CDH26: variants seen among roughly 807,000 people sequenced by gnomAD.
The protein encoded by CDH26 is cadherin-like protein 26.
CDH26 carries 83 observed loss-of-function variants against 90.3 expected under a neutral mutation model. That is an observed-to-expected ratio of 0.92 (90% CI 0.77 to 1.10). CDH26 has a LOEUF of 1.10. Ranked by LOEUF, CDH26 falls within the 50% of genes least tolerant of loss-of-function variation. The pLI is 0.00. For synonymous variants in CDH26, 397 were observed against 396.3 expected, an observed-to-expected ratio of 1.00 and a Z score of -0.02; for missense variants, 1,013 against 1,037.6, an observed-to-expected ratio of 0.98 and a Z score of 0.33.
chr20:59,967,864 TC>T (rs2061178405), intron 1 of CDH26, among the ~76,000 whole-genome samples: 7 of 114,852 alleles, frequency 6.1e-5, no homozygotes, highest in African/African-American at 3.5e-4. Flanking sequence ...TTTCTTTCTT[TC>T]TTTCTTTCTT....
chr20:59,959,319 C>T (rs557283150), intron 1 of CDH26, among the ~76,000 whole-genome samples: 9 of 152,154 alleles, frequency 5.9e-5, no homozygotes, highest in South Asian at 2.1e-4. Context: ...AGGCTGGTCT[C>T]GAACTCCTAA....
chr20:59,992,316 T>C lies in CDH26; in HGVS notation c.1284-62T>C. On this transcript the variant is annotated intron_variant, in intron 9 of 17. Transcript: ENST00000348616. This position sits in a 1 kb window ranked among gnomAD's most constrained non-coding sequence, Gnocchi z 5.0. ...GACATATTTTGTTTTTTTATGCAACTTTTTTATCTTTTAATGTAAGTTTTT... is the reference window on the plus strand; with the variant it reads ...GACATATTTTGTTTTTTTATGCAACCTTTTTATCTTTTAATGTAAGTTTTT... The C allele has an allele frequency of 2.0e-6, 3 of 1,530,278 alleles. No individual in the cohort carries two copies. Among genetic ancestry groups the C allele is most frequent in the Non-Finnish European group, 2.6e-6 (3 of 1,134,774 alleles). 94.8% of individuals were successfully genotyped at this position (1,530,278 alleles called of 1,614,324 possible).
intron 15 of CDH26, chr20:60,001,726 T>G (rs534046538): frequency 1.5e-6 from 1 of 685,312 alleles, no homozygotes; most frequent in South Asian, 6.6e-5. Flanking sequence ...TCTATAAAGT[T>G]AAAAGCACAG....
At chr20:60,022,155 A>G (rs1036824707) in intron 7 of CDH26, among the ~76,000 whole-genome samples, 3 of 152,094 alleles carry the variant, frequency 2.0e-5, no homozygotes, top group Non-Finnish European at 4.4e-5. Flanking sequence ...GCTTAAAGAA[A>G]GCATCCATTA....
At position 60,012,563 on chromosome 20, in the gene CDH26, G is replaced by A. The variant is rs200967688; in HGVS notation, c.2332G>A (p.Gly778Ser). The A allele has an allele frequency of 4.9e-5, 79 of 1,613,966 alleles. No homozygotes were observed. Among genetic ancestry groups the A allele is most frequent in the East Asian group, 3.8e-4 (17 of 44,858 alleles). The change falls in exon 18 of 18, where the codon GGC becomes AGC. Residue 778 changes from glycine to serine, a missense_variant. By Grantham distance (56) the Gly-to-Ser change is moderately conservative. Transcript: ENST00000348616. The part of the protein sequence containing the change: ...HVANVLEDDP[G>S]YLPHVYSEEG... ...TGCCAATGTGCTGGAAGATGACCCC[G>A]GCTACCTACCTCACGTCTACAGCGA...
At chr20:59,974,616 A>G (rs1024722421) in intron 4 of CDH26, among the ~76,000 whole-genome samples, 9 of 152,154 alleles carry the variant, frequency 5.9e-5, no homozygotes, top group Admixed American at 5.9e-4. Context: ...TCAGGGCCCT[A>G]TGCTTGGAGC....
At chr20:60,015,850 A>AT (rs2061901009), downstream of CDH26, among the ~76,000 whole-genome samples, 1 of 152,126 alleles carries the variant, frequency 6.6e-6, no homozygotes, top group East Asian at 1.9e-4. Flanking sequence ...ATAGATACCT[A>AT]CTTTCCCCAG....
chr20:60,033,869 G>T lies in CDH26; in HGVS notation c.*193G>T, dbSNP rs77010616. On this transcript the variant is annotated 3_prime_UTR_variant, in exon 9 of 9. Coordinates refer to the CDH26 transcript ENST00000370991. ...AATAACTTTTCCTCTGCAAACTGTG[G>T]ATGGCAGTTCACCATGTTTCTCACC... 7.7e-3 allele frequency: 5,874 copies of T among 766,178 alleles called. 279 individuals are homozygous for T. The African/African-American group carries it at 0.099, about 13-fold the overall frequency. The allele number at this position is 766,178 out of a possible 1,614,324, so 47.5% of individuals were successfully genotyped here.
intron 16 of CDH26, among the ~76,000 whole-genome samples, chr20:60,004,471 A>G (rs1256154018): frequency 6.6e-6 from 1 of 152,154 alleles, no homozygotes. Flanking sequence ...GTGTTTGTGT[A>G]TCTACCTACA....
Position 59,999,492 on chromosome 20 carries a change from T to C in CDH26, c.2020-94T>C. ...CTTCTGTGATGGCATAGATACAATG[T>C]GTTTTGGAGAAAATGTCATTCCTTT... On this transcript the variant is annotated intron_variant, in intron 13 of 17. Coordinates refer to ENST00000348616, the MANE Select transcript of CDH26 (RefSeq NM_177980.4). 4 of 1,023,406 alleles carry C rather than the reference T, an allele frequency of 3.9e-6. No individual in the cohort carries two copies. The South Asian group carries it at 5.5e-5, about 14-fold the overall frequency. The allele number at this position is 1,023,406 out of a possible 1,614,324, so 63.4% of individuals were successfully genotyped here.
At chr20:60,025,127 G>A (rs767727766) in intron 7 of CDH26, among the ~76,000 whole-genome samples, 12 of 152,212 alleles carry the variant, frequency 7.9e-5, no homozygotes, top group Non-Finnish European at 1.5e-4. Flanking sequence ...TTACAAAAGA[G>A]AAATAAATGT....
intron 1 of CDH26, among the ~76,000 whole-genome samples, chr20:59,961,245 G>A (rs925152709): frequency 7.9e-5 from 12 of 152,190 alleles, no homozygotes; most frequent in Admixed American, 7.2e-4. Context: ...TCTTCCCTCT[G>A]GCGTATTAGT....
At chr20:60,009,171 T>G (rs2061795037) in intron 17 of CDH26, among the ~76,000 whole-genome samples, 1 of 152,168 alleles carries the variant, frequency 6.6e-6, no homozygotes, top group Non-Finnish European at 1.5e-5. Context: ...TCAGACAAGT[T>G]GCTCCAATGG....
chr20:60,006,723 A>T lies in CDH26; in HGVS notation c.2231A>T (p.Asp744Val), dbSNP rs1158766466. 4 of 1,613,980 alleles carry T rather than the reference A, an allele frequency of 2.5e-6. No homozygotes were observed. Among genetic ancestry groups the T allele is most frequent in the Non-Finnish European group, 3.4e-6 (4 of 1,179,876 alleles). Reference sequence around the variant, plus strand: ...CTGGTTTGCTTGCAGGCTTACCCAGATGCCACAATGCACAGACAACTCCTG... The same window carrying T: ...CTGGTTTGCTTGCAGGCTTACCCAGTTGCCACAATGCACAGACAACTCCTG... ...KNIHSTPAYP[D>V]ATMHRQLLAP... The change falls in exon 17 of 18, where the codon GAT becomes GTT. Residue 744 changes from aspartate to valine, a missense_variant. Coordinates refer to ENST00000348616, the MANE Select transcript of CDH26 (RefSeq NM_177980.4).
chr20:59,967,850 TTTCTTTCTTTCTTTC>T (rs2061175486), intron 1 of CDH26, among the ~76,000 whole-genome samples: 1 of 107,346 alleles, frequency 9.3e-6, no homozygotes, highest in Admixed American at 9.2e-5. Flanking sequence ...TCTTTCTTTC[TTTCTTTCTTTCTTTC>T]TTTCTTTCTT....
At chr20:60,001,930 G>C (rs2061681732) in intron 15 of CDH26, among the ~76,000 whole-genome samples, 1 of 152,154 alleles carries the variant, frequency 6.6e-6, no homozygotes, top group South Asian at 2.1e-4. Context: ...AGTTCTTGGG[G>C]GTCCCCCAAA....
At chr20:60,023,960 G>GGAGAGAGAGAGA (rs11086691) in intron 7 of CDH26, among the ~76,000 whole-genome samples, 1 of 147,204 alleles carries the variant, frequency 6.8e-6, no homozygotes, top group African/African-American at 2.5e-5. Flanking sequence ...GCTGACAGAG[G>GGAGAGAGAGAGA]GAGAGAGAGA....
Position 60,000,752 on chromosome 20 carries a change from T to C in CDH26, c.2098-591T>C, listed in dbSNP as rs544877903. On this transcript the variant is annotated intron_variant, in intron 14 of 17. Coordinates refer to ENST00000348616, the MANE Select transcript of CDH26 (RefSeq NM_177980.4). The stretch of plus-strand genomic sequence containing the variant: ...TCCCTTCAGTGTCCTGCAAATATTG[T>C]AGTAAGTACATCTCTGGTGACTGCT... Among the ~76,000 whole-genome samples the C allele has an allele frequency of 3.3e-5, 5 of 152,310 alleles. 1 individual carries two copies. The South Asian group carries it at 8.3e-4, about 25-fold the overall frequency.
intron 17 of CDH26, among the ~76,000 whole-genome samples, chr20:60,008,020 AGCCAGTCCACAT>A (rs2061777126): frequency 6.6e-6 from 1 of 152,172 alleles, no homozygotes; most frequent in South Asian, 2.1e-4. Flanking sequence ...GATAGGGCAG[AGCCAGTCCACAT>A]GCTCGTGTCA....
Sources: gnomAD v4.1 joint callset for allele counts (sites outside exome capture counted in the v4.1 genomes callset) on GRCh38, gnomAD v4.1.1 for gene constraint, Gnocchi (gnomAD v3.1) non-coding constraint, MANE v1.5 for transcripts, NCBI Gene and HGNC (gene_info 2026-07-23, HGNC 2026-07-21) for gene names.